Variants in GLS observed in about 807,000 individuals in gnomAD.
GLS encodes the protein glutaminase kidney isoform, mitochondrial.
Under a neutral mutation model 86.7 loss-of-function variants are expected in GLS, and 36 were observed. The observed-to-expected ratio is 0.42, with a 90% CI of 0.32 to 0.55. The LOEUF (loss-of-function observed/expected upper bound fraction) is 0.55, where lower values mean the gene tolerates loss of function less well. GLS is among the 20% of genes least tolerant of loss of function. The pLI is 0.17. For synonymous variants in GLS, 317 were observed against 305.9 expected, an observed-to-expected ratio of 1.04 and a Z score of -0.38; for missense variants, 528 against 833.4, an observed-to-expected ratio of 0.63 and a Z score of 4.51.
rs1690086210 is a variant in GLS, at chr2:190,930,838, C to G, written c.1557+270C>G. Among the ~76,000 whole-genome samples, 1 of 152,192 alleles carries G rather than the reference C, an allele frequency of 6.6e-6. No homozygotes were observed. The highest frequency in any genetic ancestry group is 2.4e-5 in the African/African-American group (1 of 41,536). On this transcript the variant is annotated intron_variant, in intron 13 of 17. Coordinates refer to ENST00000320717, the MANE Select transcript of GLS (RefSeq NM_014905.5). This position sits in a 1 kb window ranked among gnomAD's most constrained non-coding sequence, Gnocchi z 5.0. The stretch of plus-strand genomic sequence containing the variant: ...TTAGTATGAATTTTCAAAAGCTCAA[C>G]AAAAGGTATTAAACTTGGAGAAGTA...
At chr2:190,892,265 A>G (rs1559316413) in intron 1 of GLS, among the ~76,000 whole-genome samples, 2 of 152,178 alleles carry the variant, frequency 1.3e-5, no homozygotes, top group African/African-American at 4.8e-5. Flanking sequence ...GCATTTAGAA[A>G]GGAAACGAGA....
At chr2:190,882,269 T>A (rs1688228450) in intron 1 of GLS, among the ~76,000 whole-genome samples, 1 of 152,132 alleles carries the variant, frequency 6.6e-6, no homozygotes. Context: ...AAAATCTGAG[T>A]TGAGTAGGTT....
In GLS at chr2:190,930,677, T is replaced by C; in HGVS notation, c.1557+109T>C. ...TCATTAACTCTTGGCCCTCCGCCTA[T>C]AGTGTGCCAGTTACTAGGGAGCCGT... On this transcript the variant is annotated intron_variant, in intron 13 of 17. Coordinates refer to ENST00000320717, the MANE Select transcript of GLS (RefSeq NM_014905.5). The surrounding 1 kb of genome is among the most constrained non-coding windows in gnomAD (Gnocchi z 5.0). 3 of 980,686 alleles carry C rather than the reference T, an allele frequency of 3.1e-6. No homozygotes were observed. Among genetic ancestry groups the C allele is most frequent in the Non-Finnish European group, 4.5e-6 (3 of 665,766 alleles). 60.7% of individuals were successfully genotyped at this position (980,686 alleles called of 1,614,324 possible).
chr2:190,922,519 C>T (rs923840014), intron 9 of GLS, among the ~76,000 whole-genome samples: 5 of 151,996 alleles, frequency 3.3e-5, no homozygotes, highest in Admixed American at 6.6e-5. Context: ...TCTCTCTTTG[C>T]CCCATAACCA....
intron 3 of GLS, chr2:190,896,244 T>G (rs572499416): frequency 6.6e-6 from 1 of 152,348 alleles, no homozygotes; most frequent in South Asian, 2.1e-4. Context: ...AGTAAAGAAC[T>G]AAAGGCAACT....
chr2:190,881,441 G>A lies in GLS; in HGVS notation c.357G>A (p.Glu119=). 4 of 1,544,358 alleles carry A rather than the reference G, an allele frequency of 2.6e-6. No individual in the cohort carries two copies. The highest frequency in any genetic ancestry group is 2.6e-6 in the Non-Finnish European group (3 of 1,144,548). The change falls in exon 1 of 18, where the codon GAG becomes GAA. Residue 119 remains glutamate, a synonymous_variant. Coordinates refer to ENST00000320717, the MANE Select transcript of GLS (RefSeq NM_014905.5). ...PGETDAFGNS[E]GKELVASGEN... ...AGACGGACGCGTTTGGCAACAGCGA[G>A]GGCAAAGAGCTGGTGGCCTCAGGTG...
rs1054971388 is a variant in GLS, at chr2:190,913,510, T to C, written c.1038+3189T>C. On this transcript the variant is annotated intron_variant, in intron 7 of 17. Coordinates refer to ENST00000320717, the MANE Select transcript of GLS (RefSeq NM_014905.5). This position sits in a 1 kb window ranked among gnomAD's most constrained non-coding sequence, Gnocchi z 6.1. ...TACTTTTTGTTGTAATCTGTTTTAT[T>C]TGGGATTGTGATAATGTGTGATTGC... The C allele has an allele frequency of 4.0e-6, 4 of 994,502 alleles. No homozygotes were observed. The highest frequency in any genetic ancestry group is 3.9e-5 in the South Asian group (1 of 25,494). The allele number at this position is 994,502 out of a possible 1,614,324, so 61.6% of individuals were successfully genotyped here.
chr2:190,948,392 C>T (rs920446762), intron 14 of GLS, among the ~76,000 whole-genome samples: 18 of 152,162 alleles, frequency 1.2e-4, no homozygotes, highest in African/African-American at 4.3e-4. Context: ...CAAGTATATT[C>T]TAAAATCTTC....
At chr2:190,929,471 A>C (rs1392958481) in intron 12 of GLS, among the ~76,000 whole-genome samples, 1 of 148,778 alleles carries the variant, frequency 6.7e-6, no homozygotes, top group Non-Finnish European at 1.5e-5. Flanking sequence ...AAACTGTTTC[A>C]TAATTTTTTT....
At chr2:190,933,099 A>C (rs1397508182) in intron 14 of GLS, 4 of 953,814 alleles carry the variant, frequency 4.2e-6, no homozygotes, top group Non-Finnish European at 5.1e-6. Flanking sequence ...TTTTAAAAAT[A>C]CAAAAAGGAA....
intron 5 of GLS, among the ~76,000 whole-genome samples, chr2:190,903,810 T>TA (rs961196012): frequency 6.6e-6 from 1 of 152,208 alleles, no homozygotes; most frequent in Non-Finnish European, 1.5e-5. Context: ...AGATTATAGT[T>TA]ACACATGAAT....
rs113828189 is a variant in GLS at position 190,953,847 on chromosome 2, A to G, written c.1712+221A>G. 1.8e-3 allele frequency among the ~76,000 whole-genome samples: 268 copies of G among 152,144 alleles called. No individual in the cohort carries two copies. Among genetic ancestry groups the G allele is most frequent in the Non-Finnish European group, 3.0e-3 (207 of 68,004 alleles). Reference sequence around the variant, plus strand: ...AAAAGACCATATCTCTGTTTCCCCAAGTAGTAACTGTTCAGCTAATCTGGC... The same window carrying G: ...AAAAGACCATATCTCTGTTTCCCCAGGTAGTAACTGTTCAGCTAATCTGGC... On this transcript the variant is annotated intron_variant, in intron 15 of 17. Coordinates refer to ENST00000320717, the MANE Select transcript of GLS (RefSeq NM_014905.5). This position sits in a 1 kb window ranked among gnomAD's most constrained non-coding sequence, Gnocchi z 4.0.
In GLS at chr2:190,881,014, C is replaced by T; in HGVS notation, c.-71C>T. ...TCACCGCCCCACCACAGACCGCGTT[C>T]CCCGAGGAAACCGGCCGCCCACGCC... is the stretch of plus-strand genomic sequence containing the variant. On this transcript the variant is annotated 5_prime_UTR_variant, in exon 1 of 18. Coordinates refer to ENST00000320717, the MANE Select transcript of GLS (RefSeq NM_014905.5). 4 of 1,485,226 alleles carry T rather than the reference C, an allele frequency of 2.7e-6. No individual in the cohort carries two copies. The highest frequency in any genetic ancestry group is 1.4e-5 in the African/African-American group (1 of 71,598). The allele number at this position is 1,485,226 out of a possible 1,614,324, so 92.0% of individuals were successfully genotyped here.
At position 190,943,068 on chromosome 2, in the gene GLS, G is replaced by A. The variant is rs534602692; in HGVS notation, c.1651-10497G>A. Among the ~76,000 whole-genome samples the A allele has an allele frequency of 6.6e-6, 1 of 152,274 alleles. No individual in the cohort carries two copies. Among genetic ancestry groups the A allele is most frequent in the African/African-American group, 2.4e-5 (1 of 41,550 alleles). ...GCTCATTGACCAGACTAACTGCAAG[G>A]GAATCTGGGAAAGTGTTTTTAATTG... On this transcript the variant is annotated intron_variant, in intron 14 of 17. Transcript: ENST00000320717. The surrounding 1 kb of genome is among the most constrained non-coding windows in gnomAD (Gnocchi z 4.5).
In GLS at chr2:190,881,191, G is replaced by C. The variant is rs753286854; in HGVS notation, c.107G>C (p.Arg36Pro). ...GCACAGCCCTTGGTCACCCTGTGCC[G>C]GCGTCCCCGAGGCGGGGGACGGCCG... is the stretch of plus-strand genomic sequence containing the variant. ...RRAQPLVTLC[R>P]RPRGGGRPAA... is the part of the protein sequence containing the mutation. The change falls in exon 1 of 18, where the codon CGG becomes CCG. Residue 36 changes from arginine (R) to proline (P), a missense_variant. By Grantham distance (103) the Arg-to-Pro change is moderately radical (BLOSUM62 -2). Around this residue, in one of 4 missense-constraint regions of GLS, gnomAD observed 224 missense variants for 187.9 expected, o/e 1.19. Coordinates refer to ENST00000320717, the MANE Select transcript of GLS (RefSeq NM_014905.5). The C allele has an allele frequency of 4.5e-6, 6 of 1,318,728 alleles. No homozygotes were observed. Among genetic ancestry groups the C allele is most frequent in the Non-Finnish European group, 5.8e-6 (6 of 1,037,514 alleles). 81.7% of individuals were successfully genotyped at this position (1,318,728 alleles called of 1,614,324 possible).
intron 17 of GLS, among the ~76,000 whole-genome samples, chr2:190,959,654 T>C (rs1558997535): frequency 1.3e-5 from 2 of 152,154 alleles, no homozygotes; most frequent in Admixed American, 6.5e-5. Flanking sequence ...TGTTCTCTCT[T>C]AGGATTTGCA....
rs1295652265 is a variant in GLS, at chr2:190,897,963, A to C, written c.605+2238A>C. The stretch of plus-strand genomic sequence containing the variant: ...ACTTTTTGGAGTAAAACCTGTTCGA[A>C]AGTTGGAGACTGCCTGTACCCAGGT... On this transcript the variant is annotated intron_variant, in intron 3 of 17. Coordinates refer to ENST00000320717, the MANE Select transcript of GLS (RefSeq NM_014905.5). This position sits in a 1 kb window ranked among gnomAD's most constrained non-coding sequence, Gnocchi z 4.3. Among the ~76,000 whole-genome samples the C allele has an allele frequency of 6.6e-6, 1 of 152,150 alleles. No individual in the cohort carries two copies. Among genetic ancestry groups the C allele is most frequent in the African/African-American group, 2.4e-5 (1 of 41,434 alleles).
rs890938891 is a variant in GLS at position 190,927,563 on chromosome 2, C to T, written c.1425+81C>T. On this transcript the variant is annotated intron_variant, in intron 12 of 17. Coordinates refer to ENST00000320717, the MANE Select transcript of GLS (RefSeq NM_014905.5). ...TTTTAAAAATGCAGTTTGAACTTTG[C>T]TTCTAAAGCTGTATATTAATTTTTG... 3.7e-5 allele frequency: 36 copies of T among 960,882 alleles called. No individual in the cohort carries two copies. The Middle Eastern group carries it at 7.3e-4, about 19-fold the overall frequency. The allele number at this position is 960,882 out of a possible 1,614,324, so 59.5% of individuals were successfully genotyped here. A position where few individuals can be genotyped will look rare whatever the true frequency, so the allele number is the denominator to read the frequency against.
At position 190,930,406 on chromosome 2, in the gene GLS, C is replaced by T. The variant is rs1301086445; in HGVS notation, c.1426-31C>T. ...AACATTTCTTATTTTAAAATGTTTA[C>T]CTGAATACTCTTTTACTGAATTATT... On this transcript the variant is annotated intron_variant, in intron 12 of 17. Coordinates refer to ENST00000320717, the MANE Select transcript of GLS (RefSeq NM_014905.5). This position sits in a 1 kb window ranked among gnomAD's most constrained non-coding sequence, Gnocchi z 5.0. The T allele has an allele frequency of 1.3e-6, 2 of 1,528,628 alleles. No homozygotes were observed. The highest frequency in any genetic ancestry group is 1.8e-6 in the Non-Finnish European group (2 of 1,103,002). The allele number at this position is 1,528,628 out of a possible 1,614,324, so 94.7% of individuals were successfully genotyped here.
Sources: allele counts gnomAD v4.1 joint callset (sites outside exome capture counted in the v4.1 genomes callset), GRCh38; gene constraint gnomAD v4.1.1; regional missense constraint gnomAD v4.1.1; non-coding constraint Gnocchi (gnomAD v3.1); transcripts MANE v1.5; gene names NCBI Gene and HGNC (gene_info 2026-07-23, HGNC 2026-07-21).